Variants in TFAP2B observed in about 807,000 individuals in gnomAD.
TFAP2B encodes transcription factor AP-2 beta, also known as transcription factor AP-2-beta.
In TFAP2B, 9 loss-of-function variants were observed where a neutral mutation model predicts 44.3. The ratio of observed to expected loss-of-function variants is 0.20; its 90% CI spans 0.12 to 0.35. The LOEUF is 0.35. Among genes scored for constraint, TFAP2B ranks in the 10% least tolerant of loss-of-function variants. The pLI, the probability that TFAP2B is intolerant of heterozygous loss-of-function variation, is 1.00. For synonymous variants in TFAP2B, 270 were observed against 263.8 expected, an observed-to-expected ratio of 1.02 and a Z score of -0.23; for missense variants, 509 against 600.0, an observed-to-expected ratio of 0.85 and a Z score of 1.59.
intron 3 of TFAP2B, among the ~76,000 whole-genome samples, chr6:50,835,826 A>G (rs1245696167): frequency 6.6e-6 from 1 of 152,324 alleles, no homozygotes; most frequent in South Asian, 2.1e-4. Context: ...GCAGGACTGT[A>G]GCAAATGACA....
At chr6:50,833,511 G>A (rs529489774) in intron 3 of TFAP2B, among the ~76,000 whole-genome samples, 6 of 150,792 alleles carry the variant, frequency 4.0e-5, no homozygotes, top group African/African-American at 1.5e-4. Context: ...TCCTTGCTTT[G>A]ACTGGAAGGG....
chr6:50,823,627 C>A lies in TFAP2B; in HGVS notation c.302C>A (p.Pro101His). Reference sequence around the variant, plus strand: ...TACTCCCTGAACCCACTGCACCAGCCCCAGCAACATCCCTGGGGGCAACGG... The same window carrying A: ...TACTCCCTGAACCCACTGCACCAGCACCAGCAACATCCCTGGGGGCAACGG... ...DPYSLNPLHQ[P>H]QQHPWGQRQR... Residue 101 changes from proline (P) to histidine (H), a missense_variant, in exon 2 of 7, where the codon CCC becomes CAC. Physicochemically the swap from Pro to His is moderately conservative, Grantham distance 77 (BLOSUM62 -2). Transcript: ENST00000393655. 1 of 1,614,152 alleles carries A rather than the reference C, an allele frequency of 6.2e-7. No homozygotes were observed. The highest frequency in any genetic ancestry group is 8.5e-7 in the Non-Finnish European group (1 of 1,180,004).
intron 4 of TFAP2B, among the ~76,000 whole-genome samples, chr6:50,837,301 T>C (rs766611693): frequency 5.9e-5 from 9 of 152,192 alleles, no homozygotes; most frequent in Non-Finnish European, 1.2e-4. Context: ...TGATTCAGTT[T>C]TCAAGTGAGT....
At chr6:50,836,945 G>A (rs988416403) in intron 4 of TFAP2B, among the ~76,000 whole-genome samples, 1 of 152,180 alleles carries the variant, frequency 6.6e-6, no homozygotes, top group African/African-American at 2.4e-5. Context: ...ACAGCCCAGA[G>A]ACTGACTCCT....
intron 6 of TFAP2B, among the ~76,000 whole-genome samples, chr6:50,841,179 G>A (rs1369724721): frequency 6.6e-6 from 1 of 152,208 alleles, no homozygotes; most frequent in Non-Finnish European, 1.5e-5. Flanking sequence ...TACAGACCCT[G>A]GTTTGGGCTT....
At chr6:50,830,349 A>C (rs1449010261) in intron 3 of TFAP2B, 37 of 970,714 alleles carry the variant, frequency 3.8e-5, no homozygotes, top group Non-Finnish European at 4.5e-5. Flanking sequence ...ACAGAGCTGA[A>C]GATTTTCTTA....
chr6:50,842,967 A>C (rs1762762060), intron 6 of TFAP2B, 125 bp from the exon 7 acceptor site: 6 of 1,291,956 alleles, frequency 4.6e-6, no homozygotes, highest in Middle Eastern at 1.9e-4. Context: ...ACAGAGCGGA[A>C]TCGCCCACAT....
chr6:50,819,636 G>C (rs1770266614), intron 1 of TFAP2B, among the ~76,000 whole-genome samples: 1 of 152,204 alleles, frequency 6.6e-6, no homozygotes. Context: ...TTCTGCCCAC[G>C]TTCAATGCGT....
chr6:50,840,087 G>C (rs62405424), intron 5 of TFAP2B, 69 bp from the exon 6 acceptor site: 748 of 1,598,094 alleles, frequency 4.7e-4, no homozygotes, highest in African/African-American at 1.2e-3. Flanking sequence ...AGCTGACAAG[G>C]GAATGTCTCC....
chr6:50,820,853 G>A (rs72890671), intron 1 of TFAP2B, among the ~76,000 whole-genome samples: 5,648 of 151,938 alleles, frequency 0.037, 165 homozygotes, highest in Non-Finnish European at 0.06. Context: ...GAAAAGGAAG[G>A]AGGGAGAGAA....
intron 6 of TFAP2B, among the ~76,000 whole-genome samples, chr6:50,841,775 C>G (rs1289034564): frequency 6.6e-6 from 1 of 152,194 alleles, no homozygotes; most frequent in African/African-American, 2.4e-5. Context: ...AAAACTGCCC[C>G]ACTTTGGTCA....
intron 3 of TFAP2B, among the ~76,000 whole-genome samples, chr6:50,831,451 C>T (rs1283856689): frequency 6.6e-6 from 1 of 152,070 alleles, no homozygotes; most frequent in Non-Finnish European, 1.5e-5. Context: ...AACTCCATGG[C>T]GGGAGTGGGC....
At chr6:50,821,835 C>T in intron 1 of TFAP2B, 2 of 256,930 alleles carry the variant, frequency 7.8e-6, no homozygotes, top group Non-Finnish European at 1.6e-5. Context: ...GGCGGCCGAG[C>T]AGTCTGAGCC....
intron 4 of TFAP2B, among the ~76,000 whole-genome samples, chr6:50,836,662 C>A (rs1006283872): frequency 6.6e-6 from 1 of 152,120 alleles, no homozygotes; most frequent in Non-Finnish European, 1.5e-5. Context: ...GCCCCCCAGC[C>A]CCCCCACAAA....
chr6:50,830,357 T>C, intron 3 of TFAP2B: 1 of 965,738 alleles, frequency 1.0e-6, no homozygotes, highest in Non-Finnish European at 1.2e-6. Flanking sequence ...GAAGATTTTC[T>C]TAGATGTGGG....
At position 50,845,414 on chromosome 6, in the gene TFAP2B, C is replaced by A. The variant is rs961087342; in HGVS notation, c.*2022C>A. Reference sequence around the variant, plus strand: ...AAGAGGAAAGGGAAGTTAGGAAGCTCGTCTCAGGTCACCAAAAGGGCCCAA... The same window carrying A: ...AAGAGGAAAGGGAAGTTAGGAAGCTAGTCTCAGGTCACCAAAAGGGCCCAA... On this transcript the variant is annotated 3_prime_UTR_variant, in exon 7 of 7. Coordinates refer to ENST00000393655, the MANE Select transcript of TFAP2B (RefSeq NM_003221.4). The A allele has an allele frequency of 6.6e-6, 1 of 152,310 alleles. No individual in the cohort carries two copies. The highest frequency in any genetic ancestry group is 1.5e-5 in the Non-Finnish European group (1 of 68,064). The allele number at this position is 152,310 out of a possible 1,614,324, so 9.4% of individuals were successfully genotyped here.
At chr6:50,831,197 C>T (rs75003534) in intron 3 of TFAP2B, among the ~76,000 whole-genome samples, 1,993 of 152,314 alleles carry the variant, frequency 0.013, 42 homozygotes, top group African/African-American at 0.045. Context: ...GCTATCTGGG[C>T]TTAGCTGACA....
intron 6 of TFAP2B, 149 bp from the exon 7 acceptor site, chr6:50,842,943 C>T (rs1216194043): frequency 2.7e-6 from 3 of 1,109,016 alleles, no homozygotes; most frequent in South Asian, 1.3e-5. Context: ...GAAGGGAGGG[C>T]GCTGGGAAAG....
At chr6:50,843,061 G>T in intron 6 of TFAP2B, 31 bp from the exon 7 acceptor site, 1 of 1,614,050 alleles carries the variant, frequency 6.2e-7, no homozygotes. Flanking sequence ...CACTGAGGGT[G>T]ATTTTCTGTG....
Sources: gnomAD v4.1 joint callset for allele counts (sites outside exome capture counted in the v4.1 genomes callset) on GRCh38, gnomAD v4.1.1 for gene constraint, MANE v1.5 for transcripts, NCBI Gene and HGNC (gene_info 2026-07-23, HGNC 2026-07-21) for gene names.